The following ST6GALNAC5 variants were observed in gnomAD, a reference collection of about 807,000 sequenced individuals.
ST6GALNAC5 encodes alpha-N-acetylgalactosaminide alpha-2,6-sialyltransferase 5.
In ST6GALNAC5, 27 loss-of-function variants were observed where a neutral mutation model predicts 33.6. That is an observed-to-expected ratio of 0.80 (90% CI 0.59 to 1.11). The LOEUF is 1.11. Among genes scored for constraint, ST6GALNAC5 ranks in the 50% least tolerant of loss-of-function variants. The pLI is 0.00. For missense variants in ST6GALNAC5, 428 were observed against 454.0 expected (o/e 0.94, Z 0.52); for synonymous variants, 194 against 171.2 (o/e 1.13, Z -1.04).
intron 2 of ST6GALNAC5, among the ~76,000 whole-genome samples, chr1:77,019,002 G>C (rs1650953696): frequency 1.3e-5 from 2 of 152,206 alleles, no homozygotes; most frequent in South Asian, 4.1e-4. Context: ...TGACTGAACA[G>C]ATCACTTCCT....
intron 4 of ST6GALNAC5, 91 bp downstream of exon 4, chr1:77,050,456 A>C (rs972142615): frequency 1.6e-6 from 2 of 1,253,412 alleles, no homozygotes; most frequent in African/African-American, 2.9e-5. Context: ...AAACATGTCT[A>C]ACTGTCTTCT....
intron 2 of ST6GALNAC5, among the ~76,000 whole-genome samples, chr1:76,979,989 G>A (rs546266622): frequency 4.6e-5 from 7 of 152,164 alleles, no homozygotes; most frequent in African/African-American, 1.7e-4. Context: ...ACTACTAGAA[G>A]AAAACATAAG....
rs1379516413 is a variant in ST6GALNAC5, at chr1:77,050,122, C to G, written c.672-136C>G. On this transcript the variant is annotated intron_variant, in intron 3 of 4. Coordinates refer to ENST00000477717, the MANE Select transcript of ST6GALNAC5 (RefSeq NM_030965.3). ...TAAGAGATGTCAATTTGATAAAGTT[C>G]CAGATATTTACCAAATGGAGGAGAG... 6.3e-5 allele frequency: 42 copies of G among 664,666 alleles called. No individual in the cohort carries two copies. In the East Asian group the frequency reaches 1.1e-3, roughly 17 times the overall value. 41.2% of individuals were successfully genotyped at this position (664,666 alleles called of 1,614,324 possible).
Position 77,063,112 on chromosome 1 carries a change from A to G in ST6GALNAC5, c.917A>G (p.Asn306Ser). 1 of 1,613,962 alleles carries G rather than the reference A, an allele frequency of 6.2e-7. No homozygotes were observed. The highest frequency in any genetic ancestry group is 8.5e-7 in the Non-Finnish European group (1 of 1,179,878). Residue 306 changes from asparagine (N) to serine (S), a missense_variant, in exon 5 of 5, where the codon AAC (asparagine) becomes AGC (serine). Coordinates refer to ENST00000477717, the MANE Select transcript of ST6GALNAC5 (RefSeq NM_030965.3). ...ATCACAGAGAAACGAGTCTTTAAGAACTGGGCACGGACATTCAATATTCAC... is the reference window on the plus strand; with the variant it reads ...ATCACAGAGAAACGAGTCTTTAAGAGCTGGGCACGGACATTCAATATTCAC... The part of the protein sequence containing the change: ...RFITEKRVFK[N>S]WARTFNIHFF...
At chr1:76,945,919 T>C (rs1028609361) in intron 2 of ST6GALNAC5, among the ~76,000 whole-genome samples, 2 of 152,158 alleles carry the variant, frequency 1.3e-5, no homozygotes, top group Non-Finnish European at 2.9e-5. Flanking sequence ...ATTGTTGTTG[T>C]TGGGTTTTCT....
intron 2 of ST6GALNAC5, among the ~76,000 whole-genome samples, chr1:76,898,923 G>A (rs949022099): frequency 2.0e-5 from 3 of 152,162 alleles, no homozygotes; most frequent in Admixed American, 2.0e-4. Flanking sequence ...TTGGGGTTGG[G>A]ACTGAGGGGA....
intron 2 of ST6GALNAC5, among the ~76,000 whole-genome samples, chr1:77,040,678 G>A (rs1651803726): frequency 6.6e-6 from 1 of 152,212 alleles, no homozygotes. Context: ...AGGGGAAAGA[G>A]ATGCTACTGG....
intron 2 of ST6GALNAC5, among the ~76,000 whole-genome samples, chr1:76,993,894 A>C (rs1368366444): frequency 6.6e-6 from 1 of 152,092 alleles, no homozygotes; most frequent in East Asian, 1.9e-4. Flanking sequence ...TTGAACTTCT[A>C]TAGAAACTTT....
At chr1:76,978,957 TTAG>T (rs1181543314) in intron 2 of ST6GALNAC5, among the ~76,000 whole-genome samples, 1 of 152,128 alleles carries the variant, frequency 6.6e-6, no homozygotes, top group Non-Finnish European at 1.5e-5. Context: ...CATATAAAAA[TTAG>T]TAGTATTTCT....
At chr1:76,936,099 A>C (rs145840038) in intron 2 of ST6GALNAC5, among the ~76,000 whole-genome samples, 2 of 152,178 alleles carry the variant, frequency 1.3e-5, no homozygotes, top group African/African-American at 4.8e-5. Flanking sequence ...AGAAGTAAAA[A>C]TATTCTGGAT....
intron 2 of ST6GALNAC5, among the ~76,000 whole-genome samples, chr1:76,898,365 T>C (rs1646778787): frequency 6.6e-6 from 1 of 152,180 alleles, no homozygotes; most frequent in Non-Finnish European, 1.5e-5. Context: ...AACTCAGAAA[T>C]ACATTGCTAC....
intron 2 of ST6GALNAC5, among the ~76,000 whole-genome samples, chr1:76,911,353 T>C (rs1204297116): frequency 6.6e-6 from 1 of 152,178 alleles, no homozygotes; most frequent in Non-Finnish European, 1.5e-5. Context: ...GCCAGTATTT[T>C]ATTGAGGATT....
intron 2 of ST6GALNAC5, among the ~76,000 whole-genome samples, chr1:76,886,323 A>G (rs1653894413): frequency 6.6e-6 from 1 of 152,078 alleles, no homozygotes; most frequent in African/African-American, 2.4e-5. Flanking sequence ...TGTACTTGAT[A>G]AGATCTCTGA....
At chr1:76,922,731 A>C (rs1647046673) in intron 2 of ST6GALNAC5, among the ~76,000 whole-genome samples, 1 of 151,968 alleles carries the variant, frequency 6.6e-6, no homozygotes, top group African/African-American at 2.4e-5. Context: ...TGCATAAGAA[A>C]CTTTTCAAAC....
intron 2 of ST6GALNAC5, among the ~76,000 whole-genome samples, chr1:76,876,130 G>T (rs1020648871): frequency 2.6e-5 from 4 of 152,242 alleles, no homozygotes; most frequent in African/African-American, 7.2e-5. Flanking sequence ...GTCTATTCCA[G>T]TTAGGACAAA....
At chr1:77,029,423 G>A (rs372957136) in intron 2 of ST6GALNAC5, among the ~76,000 whole-genome samples, 4 of 152,326 alleles carry the variant, frequency 2.6e-5, no homozygotes, top group South Asian at 2.1e-4. Context: ...GCTCTGTCAC[G>A]TTCAATGTGT....
At chr1:77,004,965 C>A (rs1650336022) in intron 2 of ST6GALNAC5, among the ~76,000 whole-genome samples, 1 of 149,082 alleles carries the variant, frequency 6.7e-6, no homozygotes, top group African/African-American at 2.4e-5. Context: ...GCCCTGCCCC[C>A]AGAGGTGGAG....
chr1:77,022,874 C>A (rs1346131579), intron 2 of ST6GALNAC5, among the ~76,000 whole-genome samples: 1 of 152,108 alleles, frequency 6.6e-6, no homozygotes, highest in African/African-American at 2.4e-5. Context: ...ATATATATTT[C>A]TTGGCAAATT....
chr1:76,934,055 T>C (rs1647171989), intron 2 of ST6GALNAC5, among the ~76,000 whole-genome samples: 1 of 152,080 alleles, frequency 6.6e-6, no homozygotes, highest in South Asian at 2.1e-4. Flanking sequence ...CTGAACTTTG[T>C]GTTTTTAACT....
Sources: gnomAD v4.1 joint callset for allele counts (sites outside exome capture counted in the v4.1 genomes callset) on GRCh38, gnomAD v4.1.1 for gene constraint, MANE v1.5 for transcripts, NCBI Gene and HGNC (gene_info 2026-07-23, HGNC 2026-07-21) for gene names.